Variants in DOK6 observed in about 807,000 individuals in gnomAD.
The protein encoded by DOK6 is docking protein 6.
Under a neutral mutation model 44.0 loss-of-function variants are expected in DOK6, and 22 were observed. The observed-to-expected ratio is 0.50, with a 90% CI of 0.36 to 0.71. DOK6 has a LOEUF of 0.71. Among genes scored for constraint, DOK6 ranks in the 30% least tolerant of loss-of-function variants. The pLI, the probability that DOK6 is intolerant of heterozygous loss-of-function variation, is 0.00. For missense variants in DOK6, 340 were observed against 416.4 expected (o/e 0.82, Z 1.60); for synonymous variants, 166 against 145.5 (o/e 1.14, Z -1.01).
At chr18:69,806,746 T>A (rs1241262029) in intron 7 of DOK6, among the ~76,000 whole-genome samples, 1 of 151,954 alleles carries the variant, frequency 6.6e-6, no homozygotes, top group Non-Finnish European at 1.5e-5. Flanking sequence ...ACTGGGCAGG[T>A]TATAATATAA....
chr18:69,758,548 GTTTTAAACTGAA>G (rs1979437980), intron 7 of DOK6, among the ~76,000 whole-genome samples: 1 of 151,912 alleles, frequency 6.6e-6, no homozygotes, highest in South Asian at 2.1e-4. Context: ...CTTCCCTTTT[GTTTTAAACTGAA>G]TAATCTTACC....
chr18:69,825,431 T>C (rs1314088076), intron 7 of DOK6, among the ~76,000 whole-genome samples: 2 of 131,000 alleles, frequency 1.5e-5, no homozygotes, highest in African/African-American at 5.8e-5. Context: ...TAACTTCTTT[T>C]TTTTTTTTTT....
intron 1 of DOK6, chr18:69,469,703 G>A: frequency 7.4e-6 from 2 of 268,620 alleles, no homozygotes; most frequent in Non-Finnish European, 1.5e-5. Context: ...TGGGGATGCC[G>A]TGAACTTCGT....
At chr18:69,760,594 C>T (rs890757123) in intron 7 of DOK6, among the ~76,000 whole-genome samples, 9 of 152,060 alleles carry the variant, frequency 5.9e-5, no homozygotes, top group African/African-American at 2.2e-4. Context: ...CTCTTGAATT[C>T]GGGTTTTATA....
intron 7 of DOK6, among the ~76,000 whole-genome samples, chr18:69,835,484 CAAA>C (rs5825973): frequency 3.4e-5 from 5 of 148,404 alleles, no homozygotes; most frequent in South Asian, 4.3e-4. Context: ...ACAACAACAA[CAAA>C]AAAAAAAACA....
intron 1 of DOK6, among the ~76,000 whole-genome samples, chr18:69,547,931 A>AAT (rs931104410): frequency 7.0e-5 from 10 of 143,582 alleles, no homozygotes; most frequent in Non-Finnish European, 1.2e-4. Context: ...TATAATATAT[A>AAT]ATATATATAT....
chr18:69,666,448 A>G (rs981452167), intron 3 of DOK6, among the ~76,000 whole-genome samples: 4 of 151,982 alleles, frequency 2.6e-5, no homozygotes, highest in African/African-American at 9.7e-5. Context: ...TTTTTTTTAA[A>G]TTAGACAGGA....
chr18:69,723,318 G>A (rs1978292079), intron 5 of DOK6, among the ~76,000 whole-genome samples: 3 of 152,192 alleles, frequency 2.0e-5, no homozygotes, highest in South Asian at 2.1e-4. Context: ...CTTTACATGA[G>A]CTAGTGAAAT....
chr18:69,793,783 C>T (rs971150846), intron 7 of DOK6, among the ~76,000 whole-genome samples: 3 of 151,714 alleles, frequency 2.0e-5, no homozygotes, highest in Admixed American at 6.6e-5. Context: ...TTTTGCACAT[C>T]TAGAGAGAAA....
chr18:69,557,874 A>G (rs1298245056), intron 1 of DOK6, among the ~76,000 whole-genome samples: 5 of 152,132 alleles, frequency 3.3e-5, no homozygotes, highest in Non-Finnish European at 7.4e-5. Flanking sequence ...TTAACCAGCC[A>G]ATGGTCTCTG....
At chr18:69,664,454 C>T (rs1985605696) in intron 3 of DOK6, among the ~76,000 whole-genome samples, 1 of 152,064 alleles carries the variant, frequency 6.6e-6, no homozygotes, top group Admixed American at 6.6e-5. Flanking sequence ...ACTTTTTATG[C>T]TCCTCAATAA....
At chr18:69,455,953 C>A (rs1455929343) in intron 1 of DOK6, among the ~76,000 whole-genome samples, 6 of 152,124 alleles carry the variant, frequency 3.9e-5, no homozygotes, top group Non-Finnish European at 8.8e-5. Flanking sequence ...CCTACACTGA[C>A]TATAGTGTAT....
At chr18:69,521,968 G>C (rs965021323) in intron 1 of DOK6, among the ~76,000 whole-genome samples, 3 of 151,838 alleles carry the variant, frequency 2.0e-5, no homozygotes, top group African/African-American at 7.3e-5. Context: ...CTCCCAAACT[G>C]TTTAGATTAA....
At chr18:69,695,748 C>A (rs1193098496) in intron 4 of DOK6, among the ~76,000 whole-genome samples, 2 of 152,036 alleles carry the variant, frequency 1.3e-5, no homozygotes, top group Non-Finnish European at 2.9e-5. Flanking sequence ...TAGAAATTAG[C>A]TGTTAGGAGA....
chr18:69,616,003 CAT>C (rs755271837), intron 3 of DOK6, among the ~76,000 whole-genome samples: 9 of 152,156 alleles, frequency 5.9e-5, no homozygotes, highest in Admixed American at 1.3e-4. Context: ...GGGAGAAAAA[CAT>C]ATTGGCTGCT....
chr18:69,753,877 G>A (rs1979266544), intron 6 of DOK6, among the ~76,000 whole-genome samples: 1 of 151,942 alleles, frequency 6.6e-6, no homozygotes, highest in East Asian at 1.9e-4. Flanking sequence ...CCCTTGCAGA[G>A]AAGGAATGAA....
At chr18:69,535,746 AATGATTT>A (rs1982105885) in intron 1 of DOK6, among the ~76,000 whole-genome samples, 1 of 152,010 alleles carries the variant, frequency 6.6e-6, no homozygotes, top group Non-Finnish European at 1.5e-5. Context: ...CAGAAAAGAA[AATGATTT>A]ATAGGAGTCC....
chr18:69,450,944 C>T lies in DOK6; in HGVS notation c.66+49634C>T, dbSNP rs1394674795. ...ATGGAAAGGAACAACCGGTACCAGC[C>T]GCTGCAAAATCATGCCAAAATGTAA... On this transcript the variant is annotated intron_variant, in intron 1 of 7. Coordinates refer to ENST00000382713, the MANE Select transcript of DOK6 (RefSeq NM_152721.6). 1.2e-4 allele frequency among the ~76,000 whole-genome samples: 18 copies of T among 148,958 alleles called. 1 individual carries two copies. Among genetic ancestry groups the T allele is most frequent in the South Asian group, 2.3e-4 (1 of 4,406 alleles).
chr18:69,774,150 A>ATAAT lies in DOK6; in HGVS notation c.856+16279_856+16280insATTA, dbSNP rs1235239847. 8.1e-5 allele frequency among the ~76,000 whole-genome samples: 10 copies of ATAAT among 124,162 alleles called. 1 individual carries two copies. The East Asian group carries it at 2.3e-3, about 28-fold the overall frequency. The allele number at this position is 124,162 out of a possible 152,430, so 81.5% of individuals were successfully genotyped here. ...ATATATGAGATATATATATATATAT[A>ATAAT]TATATAATGTAATACTACTCAGTCA... On this transcript the variant is annotated intron_variant, in intron 7 of 7. Transcript: ENST00000382713.
Sources: allele counts gnomAD v4.1 joint callset (sites outside exome capture counted in the v4.1 genomes callset), GRCh38; gene constraint gnomAD v4.1.1; transcripts MANE v1.5; gene names NCBI Gene and HGNC (gene_info 2026-07-23, HGNC 2026-07-21).